Variants in ATP13A2 observed in about 807,000 individuals in gnomAD.
The protein encoded by ATP13A2 is ATPase cation transporting 13A2.
A neutral mutation model predicts 138.3 loss-of-function variants in ATP13A2; 83 were observed. The observed-to-expected ratio is 0.60, with a 90% CI of 0.50 to 0.72. The LOEUF (loss-of-function observed/expected upper bound fraction) is 0.72. ATP13A2 is among the 30% of genes least tolerant of loss of function. The pLI is 0.00. For synonymous variants in ATP13A2, 663 were observed against 699.0 expected, an observed-to-expected ratio of 0.95 and a Z score of 0.81; for missense variants, 1,402 against 1,606.4, an observed-to-expected ratio of 0.87 and a Z score of 2.17.
intron 1 of ATP13A2, among the ~76,000 whole-genome samples, chr1:17,010,327 C>A (rs2077738740): frequency 6.6e-6 from 1 of 152,206 alleles, no homozygotes; most frequent in Admixed American, 6.5e-5. Context: ...ATCCGCCTGC[C>A]TCAGGCTCCC....
intron 1 of ATP13A2, among the ~76,000 whole-genome samples, chr1:17,010,648 G>A (rs971839634): frequency 6.6e-6 from 1 of 152,134 alleles, no homozygotes; most frequent in African/African-American, 2.4e-5. Flanking sequence ...TACAGATTAG[G>A]ATTCCCATTT....
intron 3 of ATP13A2, 119 bp from the exon 4 acceptor site, chr1:17,005,191 A>T: frequency 6.7e-7 from 1 of 1,502,676 alleles, no homozygotes. Flanking sequence ...AGAGCCCTCC[A>T]GAAACCACCC....
At chr1:16,997,201 C>T in intron 11 of ATP13A2, 26 bp from the exon 12 acceptor site, 1 of 1,612,950 alleles carries the variant, frequency 6.2e-7, no homozygotes, top group South Asian at 1.1e-5. Context: ...GTGTGAGGAC[C>T]ACTCCACACC....
chr1:16,993,326 C>T (rs2077000977), intron 16 of ATP13A2, among the ~76,000 whole-genome samples: 1 of 152,146 alleles, frequency 6.6e-6, no homozygotes, highest in Non-Finnish European at 1.5e-5. Flanking sequence ...ATTAATCCTC[C>T]CACCTCAGCC....
chr1:16,994,855 G>A (rs2100848533), intron 15 of ATP13A2, among the ~76,000 whole-genome samples: 1 of 151,954 alleles, frequency 6.6e-6, no homozygotes, highest in East Asian at 2.0e-4. Flanking sequence ...GTAGAGACGG[G>A]GTTTCACCAT....
rs567866687 is a variant in ATP13A2 at position 16,988,227 on chromosome 1, G to A, written c.2770C>T (p.Arg924Cys). Residue 924 changes from arginine to cysteine, a missense_variant, in exon 25 of 29, where the codon CGC (arginine) becomes TGC (cysteine). Transcript: ENST00000326735. ...CTGAACGAAGTGTCAAGGGAACAGCGCCCCTCCCTGGGTGGCAGGGCACGG... is the reference window on the plus strand; with the variant it reads ...CTGAACGAAGTGTCAAGGGAACAGCACCCCTCCCTGGGTGGCAGGGCACGG... Reference protein sequence around the residue: ...ECVPMVIREGRCSLDTSFSVF... With the variant: ...ECVPMVIREGCCSLDTSFSVF... The A allele has an allele frequency of 8.1e-6, 13 of 1,614,184 alleles. No individual in the cohort carries two copies. The highest frequency in any genetic ancestry group is 1.3e-5 in the African/African-American group (1 of 75,062).
chr1:16,991,197 C>T (rs566312594), intron 20 of ATP13A2, among the ~76,000 whole-genome samples: 7 of 152,036 alleles, frequency 4.6e-5, no homozygotes, highest in East Asian at 1.9e-4. Context: ...GTGATCCGCC[C>T]GCGTCGGCCT....
In ATP13A2 at chr1:16,986,567, G is replaced by A. The variant is rs886045577; in HGVS notation, c.3301C>T (p.Leu1101Phe). ...CTCAGCGCCAGCGGCCCCTGCAGGA[G>A]GCCGGGGACCAGGACAAGGCCCACC... ...VLVGLVLVPG[L>F]LQGPLALRNI... The change falls in exon 28 of 29, where the codon CTC (leucine) becomes TTC (phenylalanine). Residue 1101 changes from leucine (L) to phenylalanine (F), a missense_variant. Transcript: ENST00000326735. The surrounding 1 kb of genome is among the most constrained non-coding windows in gnomAD (Gnocchi z 6.9). The A allele has an allele frequency of 1.2e-6, 2 of 1,612,162 alleles. No homozygotes were observed. The highest frequency in any genetic ancestry group is 2.2e-5 in the South Asian group (2 of 91,088).
rs977965316 is a variant in ATP13A2 at position 17,005,479 on chromosome 1, A to G, written c.183T>C (p.Pro61=). 1.9e-6 allele frequency: 3 copies of G among 1,614,220 alleles called. No individual in the cohort carries two copies. The Admixed American group carries it at 5.0e-5, about 27-fold the overall frequency. The change falls in exon 3 of 29, where the codon CCT becomes CCC. Residue 61 remains proline (P), a synonymous_variant. Transcript: ENST00000326735. The part of the protein sequence containing the change: ...HVVVWMMAGI[P]LLLFRWKPLW... ...GGGGCTTCCAACGGAAGAGCAGCAA[A>G]GGGATCCCAGCCATCATCCAGACCA...
At position 16,996,474 on chromosome 1, in the gene ATP13A2, G is replaced by A. The variant is rs796629683; in HGVS notation, c.1218C>T (p.Gly406=). Residue 406 remains glycine, a synonymous_variant, in exon 13 of 29, where the codon GGC becomes GGT. Transcript: ENST00000326735. ...GGGGGTGCAAGATGGAGCTCACCAG[G>A]CCCCCTTTTGCCGTGCAGAACCCTG... is the stretch of plus-strand genomic sequence containing the variant. ...TRTGFCTAKG[G]LVSSILHPRP... is the part of the protein sequence containing the mutation. 6 of 1,613,874 alleles carry A rather than the reference G, an allele frequency of 3.7e-6. No individual in the cohort carries two copies. Among genetic ancestry groups the A allele is most frequent in the South Asian group, 2.2e-5 (2 of 91,086 alleles).
intron 1 of ATP13A2, among the ~76,000 whole-genome samples, chr1:17,009,477 G>A (rs1236104095): frequency 6.7e-6 from 1 of 149,174 alleles, no homozygotes; most frequent in Non-Finnish European, 1.5e-5. Context: ...GCTCACTGGA[G>A]CCTTGACCTC....
chr1:16,989,012 C>T (rs1011452690), intron 23 of ATP13A2, among the ~76,000 whole-genome samples: 1 of 151,772 alleles, frequency 6.6e-6, no homozygotes, highest in African/African-American at 2.4e-5. Context: ...CTACAACCTC[C>T]TCTGCTGCCC....
Position 16,991,712 on chromosome 1 carries a change from G to A in ATP13A2, c.2251+22C>T, listed in dbSNP as rs768727390. 86 of 1,613,828 alleles carry A rather than the reference G, an allele frequency of 5.3e-5. 1 individual carries two copies. In the South Asian group the frequency reaches 5.9e-4, roughly 11 times the overall value. On this transcript the variant is annotated intron_variant, in intron 20 of 28. Transcript: ENST00000326735. Reference sequence around the variant, plus strand: ...GGGGCGGATTCTGCCCTGCTAGCCCGGGCCCCTACATGCCATTGTACCTGT... The same window carrying A: ...GGGGCGGATTCTGCCCTGCTAGCCCAGGCCCCTACATGCCATTGTACCTGT...
At chr1:17,009,010 T>C (rs1570915971) in intron 1 of ATP13A2, among the ~76,000 whole-genome samples, 1 of 150,374 alleles carries the variant, frequency 6.7e-6, no homozygotes, top group South Asian at 2.1e-4. Flanking sequence ...TCAGGGATGA[T>C]GGGAAAGGAG....
chr1:16,997,789 C>CGAGAT (rs1350801153), intron 11 of ATP13A2, among the ~76,000 whole-genome samples: 1 of 147,360 alleles, frequency 6.8e-6, no homozygotes, highest in Non-Finnish European at 1.5e-5. Flanking sequence ...TGCAGTGAGC[C>CGAGAT]GAGATCGTGC....
Position 16,986,986 on chromosome 1 carries a change from C to T in ATP13A2, c.3084-30G>A, listed in dbSNP as rs188473562. ...GGGTACAGGGATGGGGGTCAGGGAA[C>T]GAACGTGGGGTGGACAGGGAAGGGG... On this transcript the variant is annotated intron_variant, in intron 26 of 28. Coordinates refer to ENST00000326735, the MANE Select transcript of ATP13A2 (RefSeq NM_022089.4). This position sits in a 1 kb window ranked among gnomAD's most constrained non-coding sequence, Gnocchi z 6.9. 45 of 1,609,882 alleles carry T rather than the reference C, an allele frequency of 2.8e-5. 1 individual carries two copies. Among genetic ancestry groups the T allele is most frequent in the African/African-American group, 4.1e-5 (3 of 73,916 alleles).
intron 15 of ATP13A2, among the ~76,000 whole-genome samples, chr1:16,994,642 A>G (rs2077053836): frequency 6.6e-6 from 1 of 151,496 alleles, no homozygotes; most frequent in African/African-American, 2.4e-5. Flanking sequence ...AACTATAAGA[A>G]TCTGGTCATC....
At chr1:16,989,835 G>A in intron 22 of ATP13A2, 52 bp downstream of exon 22, 1 of 1,611,770 alleles carries the variant, frequency 6.2e-7, no homozygotes, top group Non-Finnish European at 8.5e-7. Context: ...CGTGAGGAAG[G>A]AGACAGAGCA....
At chr1:17,000,875 G>A in intron 8 of ATP13A2, 1 of 300,606 alleles carries the variant, frequency 3.3e-6, no homozygotes, top group South Asian at 4.1e-5. Flanking sequence ...TGGGGAGGTG[G>A]AGGGTGCAGT....
Sources: allele counts gnomAD v4.1 joint callset (sites outside exome capture counted in the v4.1 genomes callset), GRCh38; gene constraint gnomAD v4.1.1; non-coding constraint Gnocchi (gnomAD v3.1); transcripts MANE v1.5; gene names NCBI Gene and HGNC (gene_info 2026-07-23, HGNC 2026-07-21).